Variants in SLC25A48 observed in about 807,000 individuals in gnomAD.
SLC25A48 encodes CTC-321K16.1.
Under a neutral mutation model 32.2 loss-of-function variants are expected in SLC25A48, and 29 were observed. The observed-to-expected ratio is 0.90, with a 90% CI of 0.67 to 1.23. The LOEUF (loss-of-function observed/expected upper bound fraction) is 1.23, where lower values mean the gene tolerates loss of function less well. Ranked by LOEUF, SLC25A48 falls within the 50% of genes most tolerant of loss-of-function variation. The pLI is 0.00. For synonymous variants in SLC25A48, 164 were observed against 172.3 expected, an observed-to-expected ratio of 0.95 and a Z score of 0.38; for missense variants, 399 against 422.7, an observed-to-expected ratio of 0.94 and a Z score of 0.49.
chr5:135,676,757 T>G (rs1027851654), intron 3 of SLC25A48, among the ~76,000 whole-genome samples: 4 of 152,050 alleles, frequency 2.6e-5, no homozygotes, highest in African/African-American at 9.6e-5. Flanking sequence ...TTTCTATGTA[T>G]TTGTACAGTC....
chr5:135,814,994 G>T (rs536932317), intron 4 of SLC25A48, among the ~76,000 whole-genome samples: 1 of 152,176 alleles, frequency 6.6e-6, no homozygotes, highest in Non-Finnish European at 1.5e-5. Flanking sequence ...TGGGCCTTTT[G>T]TTACCTCCCA....
At chr5:135,845,366 T>C (rs1759322603) in intron 2 of SLC25A48, among the ~76,000 whole-genome samples, 1 of 152,260 alleles carries the variant, frequency 6.6e-6, no homozygotes, top group South Asian at 2.1e-4. Flanking sequence ...CTGAAAAGGC[T>C]GGGCTTTCTC....
intron 3 of SLC25A48, among the ~76,000 whole-genome samples, chr5:135,805,481 A>G (rs759502323): frequency 1.2e-4 from 18 of 151,592 alleles, no homozygotes; most frequent in Non-Finnish European, 2.1e-4. Flanking sequence ...ATTATTCGTA[A>G]CAACCCAAGG....
chr5:135,826,778 C>G (rs13167664), intron 4 of SLC25A48: 27,849 of 152,174 alleles, frequency 0.18, 2,842 homozygotes, highest in East Asian at 0.43. Flanking sequence ...AACTGTGGAG[C>G]TGGGATTCAC....
At chr5:135,729,498 C>T (rs1027401609) in intron 3 of SLC25A48, among the ~76,000 whole-genome samples, 1 of 152,044 alleles carries the variant, frequency 6.6e-6, no homozygotes, top group Non-Finnish European at 1.5e-5. Flanking sequence ...AATGATTTTG[C>T]AATACATTTT....
chr5:135,817,615 A>G (rs563271312), intron 4 of SLC25A48, among the ~76,000 whole-genome samples: 34 of 152,376 alleles, frequency 2.2e-4, no homozygotes, highest in African/African-American at 7.5e-4. Flanking sequence ...TCACAATCTT[A>G]TGGTAGGCAA....
chr5:135,722,930 G>C (rs1011102275), intron 3 of SLC25A48, among the ~76,000 whole-genome samples: 1 of 152,194 alleles, frequency 6.6e-6, no homozygotes, highest in Non-Finnish European at 1.5e-5. Context: ...GGAATGAAGC[G>C]CTCCATGCTG....
intron 3 of SLC25A48, among the ~76,000 whole-genome samples, chr5:135,659,526 C>T (rs565303527): frequency 1.3e-5 from 2 of 152,350 alleles, no homozygotes; most frequent in African/African-American, 4.8e-5. Context: ...AGTCTTCCAA[C>T]CTCTGCTCAT....
chr5:135,773,732 T>C (rs1756476297), intron 3 of SLC25A48, among the ~76,000 whole-genome samples: 1 of 150,798 alleles, frequency 6.6e-6, no homozygotes. Flanking sequence ...TGTACACCAC[T>C]GCTGTGACAT....
At chr5:135,855,850 T>C (rs1253845662) in intron 4 of SLC25A48, among the ~76,000 whole-genome samples, 2 of 152,250 alleles carry the variant, frequency 1.3e-5, no homozygotes, top group African/African-American at 4.8e-5. Flanking sequence ...ACCTGTCTCC[T>C]GCCCTTACCC....
chr5:135,796,295 T>C (rs1199069106), intron 3 of SLC25A48, among the ~76,000 whole-genome samples: 2 of 151,098 alleles, frequency 1.3e-5, no homozygotes, highest in Non-Finnish European at 3.0e-5. Context: ...GGGGAGACGG[T>C]GATATCTAAC....
At chr5:135,593,646 G>A (rs1751578678) in intron 1 of SLC25A48, among the ~76,000 whole-genome samples, 1 of 152,202 alleles carries the variant, frequency 6.6e-6, no homozygotes, top group Admixed American at 6.5e-5. Flanking sequence ...AACTATTGCA[G>A]TGGTCCATTT....
intron 3 of SLC25A48, among the ~76,000 whole-genome samples, chr5:135,722,356 C>G (rs1254952555): frequency 6.6e-6 from 1 of 152,192 alleles, no homozygotes; most frequent in Non-Finnish European, 1.5e-5. Context: ...ATTAGCAGCA[C>G]TTTGGGCAAA....
chr5:135,591,080 G>T (rs899559096), intron 1 of SLC25A48, among the ~76,000 whole-genome samples: 4 of 152,222 alleles, frequency 2.6e-5, no homozygotes, highest in South Asian at 2.1e-4. Context: ...GACCAGAGCT[G>T]CCTTCTCTCC....
intron 1 of SLC25A48, among the ~76,000 whole-genome samples, chr5:135,619,286 G>A (rs13157627): frequency 0.38 from 57,829 of 151,664 alleles, 11,020 homozygotes; most frequent in African/African-American, 0.42. Flanking sequence ...GATCTAATCT[G>A]TTATCAAAGC....
chr5:135,871,126 C>T (rs943752610), intron 4 of SLC25A48, among the ~76,000 whole-genome samples: 1 of 150,406 alleles, frequency 6.6e-6, no homozygotes, highest in Non-Finnish European at 1.5e-5. Flanking sequence ...GTTGGATTTT[C>T]TAGCTTCAAA....
intron 1 of SLC25A48, among the ~76,000 whole-genome samples, chr5:135,620,852 C>T (rs189747339): frequency 1.3e-5 from 2 of 152,254 alleles, no homozygotes; most frequent in African/African-American, 4.8e-5. Flanking sequence ...GGGGCTCTCC[C>T]ATGGCTAGGA....
intron 3 of SLC25A48, among the ~76,000 whole-genome samples, chr5:135,655,041 G>T (rs371243214): frequency 9.2e-5 from 14 of 152,214 alleles, no homozygotes; most frequent in African/African-American, 3.4e-4. Flanking sequence ...ACCTAGCAGG[G>T]CCTTTCCTGT....
At chr5:135,877,315 A>G (rs146932280) in intron 6 of SLC25A48, among the ~76,000 whole-genome samples, 1 of 152,052 alleles carries the variant, frequency 6.6e-6, no homozygotes, top group African/African-American at 2.4e-5. Flanking sequence ...GCTCCAAGGA[A>G]GCAGCTGCTG....
Sources: allele counts gnomAD v4.1 joint callset (sites outside exome capture counted in the v4.1 genomes callset), GRCh38; gene constraint gnomAD v4.1.1; transcripts MANE v1.5; gene names NCBI Gene and HGNC (gene_info 2026-07-23, HGNC 2026-07-21).